The following STK3 variants were observed in gnomAD, a reference collection of about 807,000 sequenced individuals.
STK3 encodes serine/threonine kinase 3, also known as serine/threonine-protein kinase 3.
STK3 carries 41 observed loss-of-function variants against 58.0 expected under a neutral mutation model. That is an observed-to-expected ratio of 0.71 (90% CI 0.55 to 0.92). The LOEUF (loss-of-function observed/expected upper bound fraction) is 0.92, where lower values mean the gene tolerates loss of function less well. STK3 is among the 40% of genes least tolerant of loss of function. STK3 has a pLI of 0.00. For missense variants in STK3, 479 were observed against 602.7 expected, an observed-to-expected ratio of 0.79 and a Z score of 2.15; for synonymous variants, 170 against 191.0, an observed-to-expected ratio of 0.89 and a Z score of 0.91.
chr8:98,612,272 C>G (rs975679450), intron 6 of STK3, among the ~76,000 whole-genome samples: 1 of 150,464 alleles, frequency 6.6e-6, no homozygotes, highest in Non-Finnish European at 1.5e-5. Context: ...ATACGAAGAT[C>G]CAGACTGGGC....
At chr8:98,507,351 A>G (rs1323324732) in intron 10 of STK3, among the ~76,000 whole-genome samples, 1 of 152,164 alleles carries the variant, frequency 6.6e-6, no homozygotes. Context: ...TTCAAACAAA[A>G]AACCTTGGAA....
intron 2 of STK3, among the ~76,000 whole-genome samples, chr8:98,372,831 T>C (rs990025849): frequency 6.6e-6 from 1 of 152,214 alleles, no homozygotes; most frequent in East Asian, 1.9e-4. Flanking sequence ...CTGCGTGGCT[T>C]TGGGAAAGCG....
At chr8:98,713,805 C>T (rs1212228849) in intron 4 of STK3, among the ~76,000 whole-genome samples, 3 of 151,996 alleles carry the variant, frequency 2.0e-5, no homozygotes, top group Non-Finnish European at 1.5e-5. Flanking sequence ...GATACCAAAG[C>T]CTGGCAGAGA....
intron 10 of STK3, among the ~76,000 whole-genome samples, chr8:98,468,382 A>T (rs1820644142): frequency 6.6e-6 from 1 of 152,240 alleles, no homozygotes; most frequent in Non-Finnish European, 1.5e-5. Flanking sequence ...CAAATGTACA[A>T]ATTAAACTAA....
chr8:98,794,251 A>C (rs534122005), intron 1 of STK3, among the ~76,000 whole-genome samples: 2 of 152,258 alleles, frequency 1.3e-5, no homozygotes, highest in South Asian at 4.1e-4. Flanking sequence ...AAGAGGAAAA[A>C]CAAGACCGAC....
At chr8:98,652,956 T>C (rs1414149568) in intron 6 of STK3, among the ~76,000 whole-genome samples, 1 of 152,158 alleles carries the variant, frequency 6.6e-6, no homozygotes, top group East Asian at 1.9e-4. Flanking sequence ...ACCCAGGAAC[T>C]GAACTCAGCT....
chr8:98,786,656 C>A (rs941372662), intron 1 of STK3, among the ~76,000 whole-genome samples: 2 of 152,062 alleles, frequency 1.3e-5, no homozygotes, highest in East Asian at 3.9e-4. Context: ...AGCGATCAAA[C>A]CTATAAATTA....
intron 4 of STK3, among the ~76,000 whole-genome samples, chr8:98,723,355 T>A (rs926349868): frequency 7.2e-4 from 109 of 152,242 alleles, no homozygotes; most frequent in Non-Finnish European, 8.8e-5. Context: ...AAAAAGATGG[T>A]TTTGATAGGC....
the STK3 span, among the ~76,000 whole-genome samples, chr8:98,350,458 C>T: frequency 2.6e-5 from 4 of 152,210 alleles, no homozygotes; most frequent in African/African-American, 9.7e-5. Flanking sequence ...CTGCCTGTTA[C>T]CCACTTCTAA....
chr8:98,401,201 G>T (rs142756385), downstream of STK3, among the ~76,000 whole-genome samples: 1 of 152,128 alleles, frequency 6.6e-6, no homozygotes, highest in East Asian at 1.9e-4. Context: ...GAGAGAAATC[G>T]CAAGAAGCCC....
intron 8 of STK3, among the ~76,000 whole-genome samples, chr8:98,573,962 A>G (rs1451581760): frequency 1.3e-5 from 2 of 152,086 alleles, no homozygotes; most frequent in Non-Finnish European, 2.9e-5. Flanking sequence ...TAAAACCATC[A>G]GACCTCATGA....
At chr8:98,754,501 A>T (rs897198094) in intron 3 of STK3, among the ~76,000 whole-genome samples, 1 of 147,454 alleles carries the variant, frequency 6.8e-6, no homozygotes. Context: ...AAAAAAAAAA[A>T]CTCTCTCTCT....
the STK3 span, among the ~76,000 whole-genome samples, chr8:98,355,737 C>A: frequency 6.6e-6 from 1 of 152,200 alleles, no homozygotes; most frequent in African/African-American, 2.4e-5. Flanking sequence ...AGAAGGACCA[C>A]CAGATATTGT....
intron 1 of STK3, among the ~76,000 whole-genome samples, chr8:98,897,751 C>A (rs1838511093): frequency 1.3e-5 from 2 of 152,162 alleles, no homozygotes; most frequent in South Asian, 4.1e-4. Context: ...GAGGCTAAGG[C>A]CTGTATTTTC....
intron 1 of STK3, among the ~76,000 whole-genome samples, chr8:98,779,675 C>A (rs1831954798): frequency 6.6e-6 from 1 of 152,122 alleles, no homozygotes; most frequent in African/African-American, 2.4e-5. Flanking sequence ...ATTCAGAAAT[C>A]TGAAACATTT....
intron 1 of STK3, among the ~76,000 whole-genome samples, chr8:98,893,556 AAGAG>A (rs1294849768): frequency 1.1e-4 from 16 of 150,874 alleles, no homozygotes; most frequent in African/African-American, 2.4e-5. Context: ...GAGAAAGAGA[AAGAG>A]AGAGGGAGGG....
At position 98,596,117 on chromosome 8, in the gene STK3, A is replaced by C. The variant is rs1269482156; in HGVS notation, c.737T>G (p.Leu246Arg). 1 of 1,613,304 alleles carries C rather than the reference A, an allele frequency of 6.2e-7. No individual in the cohort carries two copies. Among genetic ancestry groups the C allele is most frequent in the Non-Finnish European group, 8.5e-7 (1 of 1,179,610 alleles). The change falls in exon 7 of 11, where the codon CTT becomes CGT. Residue 246 changes from leucine (L) to arginine (R), a missense_variant. Coordinates refer to ENST00000419617, the MANE Select transcript of STK3 (RefSeq NM_006281.4). ...NPPPTFRKPE[L>R]WSDDFTDFVK... is the part of the protein sequence containing the mutation. ...AAAATCGGTGAAATCATCGGACCAA[A>C]GTTCTGGCTTTCTGAATGTTGGTGG...
At chr8:98,645,381 C>T (rs1405126797) in intron 6 of STK3, among the ~76,000 whole-genome samples, 8 of 152,254 alleles carry the variant, frequency 5.3e-5, no homozygotes, top group African/African-American at 1.9e-4. Context: ...GGATCTCTGA[C>T]TTAAAGGAAC....
chr8:98,713,312 C>CA (rs1258723795), intron 4 of STK3, among the ~76,000 whole-genome samples: 1 of 151,864 alleles, frequency 6.6e-6, no homozygotes, highest in African/African-American at 2.4e-5. Context: ...GATAGAGACA[C>CA]AAAAAACCCT....
Sources: allele counts gnomAD v4.1 joint callset (sites outside exome capture counted in the v4.1 genomes callset), GRCh38; gene constraint gnomAD v4.1.1; transcripts MANE v1.5; gene names NCBI Gene and HGNC (gene_info 2026-07-23, HGNC 2026-07-21).